SNAP23: variants seen among roughly 807,000 people sequenced by gnomAD.
SNAP23 encodes synaptosome associated protein 23.
Under a neutral mutation model 29.0 loss-of-function variants are expected in SNAP23, and 11 were observed. The ratio of observed to expected loss-of-function variants is 0.38; its 90% confidence interval spans 0.24 to 0.63. The LOEUF is 0.63. Among genes scored for constraint, SNAP23 ranks in the 20% least tolerant of loss-of-function variants. The pLI is 0.58. For missense variants in SNAP23, 220 were observed against 253.9 expected, an observed-to-expected ratio of 0.87 and a Z score of 0.91; for synonymous variants, 60 against 82.9, an observed-to-expected ratio of 0.72 and a Z score of 1.50.
intron 5 of SNAP23, chr15:42,521,568 C>G: frequency 6.6e-7 from 1 of 1,523,086 alleles, no homozygotes. Flanking sequence ...GCATTTCATT[C>G]TCTCACCTAA....
intron 1 of SNAP23, among the ~76,000 whole-genome samples, chr15:42,506,682 T>C (rs1366026823): frequency 6.6e-6 from 1 of 152,236 alleles, no homozygotes; most frequent in African/African-American, 2.4e-5. Flanking sequence ...AGATAAAATT[T>C]CATGGTCTTA....
At chr15:42,513,783 T>G (rs36090286) in intron 4 of SNAP23, among the ~76,000 whole-genome samples, 43,410 of 151,256 alleles carry the variant, frequency 0.29, 6,930 homozygotes, top group Non-Finnish European at 0.34. Context: ...TCTTTTTTTT[T>G]GGGGTGGGGG....
intron 5 of SNAP23, among the ~76,000 whole-genome samples, chr15:42,519,247 G>C (rs1401908500): frequency 6.6e-6 from 1 of 151,546 alleles, no homozygotes; most frequent in African/African-American, 2.4e-5. Flanking sequence ...TAGAGATGGG[G>C]GTTCACCATG....
At chr15:42,531,383 T>C in intron 7 of SNAP23, 30 bp from the exon 8 acceptor site, 13 of 1,471,772 alleles carry the variant, frequency 8.8e-6, no homozygotes, top group Non-Finnish European at 1.2e-5. Context: ...TTACTTACCT[T>C]GTAAAGCTGA....
intron 1 of SNAP23, among the ~76,000 whole-genome samples, chr15:42,501,236 G>C (rs1414114622): frequency 6.6e-6 from 1 of 152,072 alleles, no homozygotes; most frequent in African/African-American, 2.4e-5. Context: ...GCCATCCCCT[G>C]CCCTCCATAC....
chr15:42,512,980 T>C lies in SNAP23; in HGVS notation c.83T>C (p.Leu28Pro). The change falls in exon 3 of 8, where the codon CTG becomes CCG. Residue 28 changes from leucine to proline, a missense_variant. Transcript: ENST00000249647. ...TCTCTGGAAAGTACGAGGAGAATCC[T>C]GGGTTTAGCCATTGAGGTAAGAAAA... ...DESLESTRRILGLAIESQDAG... is the reference protein window; with the variant it reads ...DESLESTRRIPGLAIESQDAG... The C allele has an allele frequency of 6.2e-7, 1 of 1,611,954 alleles. No homozygotes were observed. Among genetic ancestry groups the C allele is most frequent in the Non-Finnish European group, 8.5e-7 (1 of 1,177,968 alleles).
At chr15:42,528,055 A>AT in intron 5 of SNAP23, 21 of 471,312 alleles carry the variant, frequency 4.5e-5, no homozygotes, top group East Asian at 1.3e-4. Flanking sequence ...CCTTTTTAAA[A>AT]TTTTTTTTAG....
chr15:42,532,029 T>G lies in SNAP23; in HGVS notation c.*551T>G, dbSNP rs2057570252. 6.6e-6 allele frequency: 1 copy of G among 152,224 alleles called. No homozygotes were observed. Among genetic ancestry groups the G allele is most frequent in the Non-Finnish European group, 1.5e-5 (1 of 68,036 alleles). 9.4% of individuals were successfully genotyped at this position (152,224 alleles called of 1,614,324 possible). ...GGTTTTGGAGCTTTTATACACAACG[T>G]TTTTGTTAGGCATCACAGTTTTGCA... On this transcript the variant is annotated 3_prime_UTR_variant, in exon 8 of 8. Transcript: ENST00000249647.
intron 5 of SNAP23, among the ~76,000 whole-genome samples, chr15:42,516,776 A>G (rs959171892): frequency 3.3e-5 from 5 of 152,262 alleles, no homozygotes; most frequent in Admixed American, 2.0e-4. Context: ...TGTTATAGAA[A>G]GTAGAGATTA....
At chr15:42,531,329 T>C in intron 7 of SNAP23, 84 bp from the exon 8 acceptor site, 1 of 808,176 alleles carries the variant, frequency 1.2e-6, no homozygotes, top group Non-Finnish European at 1.8e-6. Flanking sequence ...ATTTTCTTGG[T>C]GTGTCAGTTA....
intron 1 of SNAP23, among the ~76,000 whole-genome samples, chr15:42,503,462 T>G (rs1055627520): frequency 1.3e-5 from 2 of 151,294 alleles, no homozygotes; most frequent in Non-Finnish European, 2.9e-5. Context: ...CTCTGCCTCC[T>G]GGGTTCAAGT....
chr15:42,531,408 T>G lies in SNAP23; in HGVS notation c.571-5T>G. 1 of 1,538,330 alleles carries G rather than the reference T, an allele frequency of 6.5e-7. No individual in the cohort carries two copies. Among genetic ancestry groups the G allele is most frequent in the Non-Finnish European group, 8.7e-7 (1 of 1,146,632 alleles). On this transcript the variant is annotated splice_region_variant and splice_polypyrimidine_tract_variant and intron_variant, in intron 7 of 7. Coordinates refer to ENST00000249647, the MANE Select transcript of SNAP23 (RefSeq NM_003825.4). ...TGTAAAGCTGATATCTTTCTTGTTT[T>G]TCAGGCTGACACCAACAGAGATCGT...
intron 5 of SNAP23, among the ~76,000 whole-genome samples, chr15:42,516,673 A>G (rs142392395): frequency 1.9e-3 from 289 of 152,192 alleles, no homozygotes; most frequent in African/African-American, 6.6e-3. Context: ...TTAATATTTC[A>G]TCCAGTTCTC....
chr15:42,493,455 C>G (rs1159288845), upstream of SNAP23, among the ~76,000 whole-genome samples: 1 of 151,996 alleles, frequency 6.6e-6, no homozygotes, highest in Non-Finnish European at 1.5e-5. Flanking sequence ...TCCCTGTCAT[C>G]ACAATAAAGC....
In SNAP23 at chr15:42,531,463, A is replaced by C. The variant is rs1226628772; in HGVS notation, c.621A>C (p.Lys207Asn). The change falls in exon 8 of 8, where the codon AAA becomes AAC. Residue 207 changes from lysine (K) to asparagine (N), a missense_variant. By Grantham distance (94) the Lys-to-Asn change is moderately conservative (BLOSUM62 0). Transcript: ENST00000249647. The stretch of plus-strand genomic sequence containing the variant: ...ATATTGCCAATGCCAGAGCAAAGAA[A>C]CTCATTGACAGCTAAAGCTACTGCT... ...RIDIANARAK[K>N]LIDS 1.3e-6 allele frequency: 2 copies of C among 1,599,968 alleles called. No homozygotes were observed. The highest frequency in any genetic ancestry group is 2.7e-5 in the African/African-American group (2 of 74,448).
At chr15:42,514,752 G>C in intron 4 of SNAP23, among the ~76,000 whole-genome samples, 2 of 149,498 alleles carry the variant, frequency 1.3e-5, no homozygotes, top group Non-Finnish European at 3.0e-5. Context: ...ATCCAGGCTG[G>C]AGTTCAGTGG....
chr15:42,525,451 CTT>C (rs1158969519), intron 5 of SNAP23, among the ~76,000 whole-genome samples: 137 of 47,142 alleles, frequency 2.9e-3, no homozygotes, highest in African/African-American at 0.012. Context: ...ATCCAGTCTT[CTT>C]TTTTTTTTTT....
At chr15:42,491,819 T>C (rs1456280265), upstream of SNAP23, among the ~76,000 whole-genome samples, 1 of 152,182 alleles carries the variant, frequency 6.6e-6, no homozygotes, top group Non-Finnish European at 1.5e-5. Flanking sequence ...TCGGCTCAAG[T>C]GATCTGCCTG....
At position 42,513,455 on chromosome 15, in the gene SNAP23, A is replaced by C; in HGVS notation, c.148+8A>C. 6.2e-7 allele frequency: 1 copy of C among 1,609,810 alleles called. No homozygotes were observed. The stretch of plus-strand genomic sequence containing the variant: ...TGCTGGATGAACAAAAGGGTAAGTT[A>C]AATTATTAGCAGAAATTCTTAATTT... On this transcript the variant is annotated splice_region_variant and intron_variant, in intron 4 of 7. Coordinates refer to ENST00000249647, the MANE Select transcript of SNAP23 (RefSeq NM_003825.4).
Sources: allele counts gnomAD v4.1 joint callset (sites outside exome capture counted in the v4.1 genomes callset), GRCh38; gene constraint gnomAD v4.1.1; transcripts MANE v1.5; gene names NCBI Gene and HGNC (gene_info 2026-07-23, HGNC 2026-07-21).